Variants in SLIT3 observed in about 807,000 individuals in gnomAD.
SLIT3 encodes the protein slit homolog 3 protein.
SLIT3 carries 68 observed loss-of-function variants against 184.0 expected under a neutral mutation model. That is an observed-to-expected ratio of 0.37 (90% CI 0.30 to 0.45). The LOEUF (loss-of-function observed/expected upper bound fraction) is 0.45. SLIT3 is among the 20% of genes least tolerant of loss of function. The probability of loss-of-function intolerance (pLI) is 1.00; values close to 1 mark genes in which losing one functional copy is unlikely to be tolerated. For missense variants in SLIT3, 1,707 were observed against 2,026.0 expected, an observed-to-expected ratio of 0.84 and a Z score of 3.02; for synonymous variants, 831 against 828.6, an observed-to-expected ratio of 1.00 and a Z score of -0.05.
intron 24 of SLIT3, among the ~76,000 whole-genome samples, chr5:168,711,796 A>G (rs1762568934): frequency 6.6e-6 from 1 of 152,168 alleles, no homozygotes; most frequent in Admixed American, 6.5e-5. Flanking sequence ...AACTTTAGCT[A>G]GTCACCTAAT....
At chr5:169,123,318 A>G (rs1760952230) in intron 4 of SLIT3, among the ~76,000 whole-genome samples, 1 of 152,190 alleles carries the variant, frequency 6.6e-6, no homozygotes, top group Non-Finnish European at 1.5e-5. Context: ...TGAAAAGTTG[A>G]TGGGGACAAA....
rs114551083 is a variant in SLIT3, at chr5:169,292,197, G to A, written c.197+8316C>T. Among the ~76,000 whole-genome samples the A allele has an allele frequency of 4.8e-3, 734 of 152,318 alleles. 9 individuals carry two copies. Among genetic ancestry groups the A allele is most frequent in the African/African-American group, 0.017 (701 of 41,560 alleles). ...TGTTTAAAAACCTGAAGCTACCTGA[G>A]CTCTGCTACTGGCAGAAAGGCTCAA... On this transcript the variant is annotated intron_variant, in intron 1 of 35. Transcript: ENST00000519560.
intron 12 of SLIT3, among the ~76,000 whole-genome samples, 195 bp downstream of exon 12, chr5:168,785,712 G>A (rs138529582): frequency 3.9e-5 from 6 of 152,298 alleles, no homozygotes; most frequent in South Asian, 2.1e-4. Context: ...CACTGACCTC[G>A]GTCTTCCTCT....
At chr5:168,879,101 GTTT>G (rs979495986) in intron 5 of SLIT3, among the ~76,000 whole-genome samples, 9 of 152,194 alleles carry the variant, frequency 5.9e-5, no homozygotes, top group African/African-American at 2.2e-4. Context: ...AAACCAGATA[GTTT>G]TTTATTTTCT....
chr5:169,166,804 T>C (rs925322515), intron 4 of SLIT3, among the ~76,000 whole-genome samples: 1 of 152,198 alleles, frequency 6.6e-6, no homozygotes, highest in African/African-American at 2.4e-5. Context: ...TATGATCCCA[T>C]GTCACTTGGA....
intron 9 of SLIT3, among the ~76,000 whole-genome samples, chr5:168,805,015 T>A (rs1756907842): frequency 6.6e-6 from 1 of 152,226 alleles, no homozygotes; most frequent in Non-Finnish European, 1.5e-5. Context: ...CATTTGGTTC[T>A]CTCGCTTATT....
Position 168,990,064 on chromosome 5 carries a change from G to C in SLIT3, c.414-106728C>G, listed in dbSNP as rs561553509. 1.5e-4 allele frequency among the ~76,000 whole-genome samples: 23 copies of C among 152,332 alleles called. No individual in the cohort carries two copies. In the South Asian group the frequency reaches 4.1e-3, roughly 27 times the overall value. ...GCCCTCTTCTCAGGCCAAGCTGGCA[G>C]ATTCCTAGTTCCATTCCCCTGAAGA... On this transcript the variant is annotated intron_variant, in intron 4 of 35. Coordinates refer to ENST00000519560, the MANE Select transcript of SLIT3 (RefSeq NM_003062.4).
At chr5:168,742,825 C>T (rs1280460904) in intron 20 of SLIT3, among the ~76,000 whole-genome samples, 1 of 150,142 alleles carries the variant, frequency 6.7e-6, no homozygotes, top group African/African-American at 2.5e-5. Flanking sequence ...ATACCGGGCT[C>T]TAGGGCTGGA....
At chr5:168,973,482 G>T (rs1352368301) in intron 4 of SLIT3, among the ~76,000 whole-genome samples, 1 of 152,190 alleles carries the variant, frequency 6.6e-6, no homozygotes, top group Admixed American at 6.5e-5. Context: ...TCCGATCTCA[G>T]GTGATTCACC....
At chr5:168,711,200 C>A in intron 24 of SLIT3, 142 bp from the exon 25 acceptor site, 1 of 687,838 alleles carries the variant, frequency 1.5e-6, no homozygotes, top group South Asian at 2.5e-5. Flanking sequence ...GTCGTCTCCA[C>A]TGTGGCAAAG....
chr5:169,197,933 C>T (rs1342934294), intron 3 of SLIT3, among the ~76,000 whole-genome samples: 1 of 152,194 alleles, frequency 6.6e-6, no homozygotes, highest in African/African-American at 2.4e-5. Context: ...CTAGATGTAC[C>T]TGGGTGTAAG....
chr5:169,027,266 C>T (rs1271888605), intron 4 of SLIT3, among the ~76,000 whole-genome samples: 1 of 152,124 alleles, frequency 6.6e-6, no homozygotes, highest in Admixed American at 6.5e-5. Context: ...TTTATCATTC[C>T]TACCAAGGGC....
chr5:169,167,278 T>G (rs1762669899), intron 4 of SLIT3, among the ~76,000 whole-genome samples: 2 of 135,008 alleles, frequency 1.5e-5, no homozygotes, highest in Admixed American at 1.4e-4. Flanking sequence ...CTTTTTTTTT[T>G]TTTTTTTTTT....
At chr5:168,916,148 T>C (rs997013226) in intron 4 of SLIT3, among the ~76,000 whole-genome samples, 1 of 152,194 alleles carries the variant, frequency 6.6e-6, no homozygotes, top group Non-Finnish European at 1.5e-5. Flanking sequence ...TAGCAAAATA[T>C]TTACAATTGT....
chr5:168,922,422 A>C (rs1313327734), intron 4 of SLIT3, among the ~76,000 whole-genome samples: 1 of 141,666 alleles, frequency 7.1e-6, no homozygotes, highest in East Asian at 2.1e-4. Context: ...GTGCCACTGC[A>C]CTCCAGCTTG....
chr5:169,052,537 C>CGAG (rs932238656), intron 4 of SLIT3, among the ~76,000 whole-genome samples: 2 of 152,030 alleles, frequency 1.3e-5, no homozygotes, highest in Non-Finnish European at 2.9e-5. Flanking sequence ...TTAAAGGCAG[C>CGAG]GAGGCCACGT....
At chr5:169,213,269 C>G (rs370905704) in intron 3 of SLIT3, among the ~76,000 whole-genome samples, 4 of 134,564 alleles carry the variant, frequency 3.0e-5, no homozygotes, top group Non-Finnish European at 4.7e-5. Context: ...TTGTGAAGGC[C>G]CTCTTCAAGG....
At chr5:168,858,565 T>C (rs1758987502) in intron 5 of SLIT3, among the ~76,000 whole-genome samples, 1 of 152,220 alleles carries the variant, frequency 6.6e-6, no homozygotes, top group Non-Finnish European at 1.5e-5. Flanking sequence ...CTGGACTCTA[T>C]CCACAAACTC....
At chr5:169,194,456 G>T (rs1320178044) in intron 3 of SLIT3, among the ~76,000 whole-genome samples, 1 of 151,896 alleles carries the variant, frequency 6.6e-6, no homozygotes, top group Non-Finnish European at 1.5e-5. Context: ...GAGTTTTGTG[G>T]GTCCTTGGCA....
Sources: gnomAD v4.1 joint callset for allele counts (sites outside exome capture counted in the v4.1 genomes callset) on GRCh38, gnomAD v4.1.1 for gene constraint, MANE v1.5 for transcripts, NCBI Gene and HGNC (gene_info 2026-07-23, HGNC 2026-07-21) for gene names.